MRAP: variants seen among roughly 807,000 people sequenced by gnomAD.
The protein encoded by MRAP is melanocortin 2 receptor accessory protein, also known as melanocortin-2 receptor accessory protein.
A neutral mutation model predicts 8.7 loss-of-function variants in MRAP; 8 were observed. That is an observed-to-expected ratio of 0.92 (90% confidence interval 0.54 to 1.66). MRAP has a LOEUF of 1.66. Among genes scored for constraint, MRAP ranks in the 40% most tolerant of loss-of-function variants. MRAP has a pLI of 0.00. For synonymous variants in MRAP, 95 were observed against 95.5 expected (o/e 1.00, Z 0.03); for missense variants, 237 against 217.1 (o/e 1.09, Z -0.58).
Position 32,298,958 on chromosome 21 carries a change from C to T in MRAP, c.-14C>T, listed in dbSNP as rs1331887798. On this transcript the variant is annotated 5_prime_UTR_variant, in exon 1 of 3. Transcript: ENST00000303645. ...GGCTGCCGGCCCGGACGCTGACTGC[C>T]CAGTGCCACAGACATGGCCAACGGG... 2 of 1,604,436 alleles carry T rather than the reference C, an allele frequency of 1.2e-6. No homozygotes were observed. Among genetic ancestry groups the T allele is most frequent in the Admixed American group, 1.7e-5 (1 of 59,960 alleles).
intron 1 of MRAP, among the ~76,000 whole-genome samples, chr21:32,300,202 C>T (rs2032226985): frequency 6.6e-6 from 1 of 152,200 alleles, no homozygotes. Context: ...GCCTGGGCAA[C>T]ACAGTGAGAT....
In MRAP at chr21:32,311,963, C is replaced by G. The variant is rs146788457; in HGVS notation, c.486C>G (p.Pro162=). The change falls in exon 3 of 3, where the codon CCC becomes CCG. Residue 162 remains proline, a synonymous_variant. Coordinates refer to ENST00000303645, the MANE Select transcript of MRAP (RefSeq NM_001379228.1). ...PLVRSKPSEP[P]PGDRTSQLQS is the part of the protein sequence containing the mutation. Reference sequence around the variant, plus strand: ...TCAGGAGCAAGCCCAGCGAGCCTCCCCCTGGAGACAGGACCTCTCAATTGC... The same window carrying G: ...TCAGGAGCAAGCCCAGCGAGCCTCCGCCTGGAGACAGGACCTCTCAATTGC... 1.3e-4 allele frequency: 212 copies of G among 1,613,366 alleles called. No homozygotes were observed. The highest frequency in any genetic ancestry group is 1.6e-4 in the Middle Eastern group (1 of 6,084).
At chr21:32,314,730 G>A (rs772285250), downstream of MRAP, 18 of 1,499,644 alleles carry the variant, frequency 1.2e-5, no homozygotes, top group South Asian at 9.2e-5. Flanking sequence ...CTACAGGCCC[G>A]AGTTTATCAT....
At chr21:32,303,861 AAGG>A (rs1263391336) in intron 1 of MRAP, among the ~76,000 whole-genome samples, 1 of 152,242 alleles carries the variant, frequency 6.6e-6, no homozygotes, top group Non-Finnish European at 1.5e-5. Context: ...GAACATGATG[AAGG>A]AGATTTTAGT....
chr21:32,306,713 G>A lies in MRAP; in HGVS notation c.180G>A (p.Met60Ile), dbSNP rs973110159. ...TGCTCTTCCTCATCTTGCTCTACAT[G>A]TCCTGGTCCGCCTCCCCGCAGATGA... ...VVLLFLILLYMSWSASPQMRN... is the reference protein window; with the variant it reads ...VVLLFLILLYISWSASPQMRN... Residue 60 changes from methionine (M) to isoleucine (I), a missense_variant, in exon 2 of 3, where the codon ATG becomes ATA. Transcript: ENST00000303645. The A allele has an allele frequency of 8.7e-5, 141 of 1,614,016 alleles. No individual in the cohort carries two copies. The highest frequency in any genetic ancestry group is 1.2e-4 in the Non-Finnish European group (137 of 1,180,036).
rs1343880098 is a variant in MRAP, at chr21:32,300,718, CG to C, written c.106+1645del. On this transcript the variant is annotated intron_variant, in intron 1 of 2. Coordinates refer to ENST00000303645, the MANE Select transcript of MRAP (RefSeq NM_001379228.1). ...GTCAGGGGCGTCATGCGTCCTATGT[CG>C]GGGCGTCATTCGTCCTATGTCAGTG... 1.3e-3 allele frequency among the ~76,000 whole-genome samples: 25 copies of C among 19,766 alleles called. No homozygotes were observed. The East Asian group carries it at 0.02, about 16-fold the overall frequency. 13.0% of individuals were successfully genotyped at this position (19,766 alleles called of 152,430 possible).
intron 1 of MRAP, among the ~76,000 whole-genome samples, chr21:32,292,755 T>C (rs1229849715): frequency 6.6e-6 from 1 of 151,918 alleles, no homozygotes; most frequent in Non-Finnish European, 1.5e-5. Context: ...CTCCCAAATG[T>C]TGGCTCCCAA....
chr21:32,305,933 C>T (rs555636359), intron 1 of MRAP, among the ~76,000 whole-genome samples: 2 of 152,166 alleles, frequency 1.3e-5, no homozygotes, highest in African/African-American at 4.8e-5. Context: ...CCCAGGGGGG[C>T]TAAGTGTGTT....
intron 1 of MRAP, among the ~76,000 whole-genome samples, chr21:32,304,665 CAAA>C (rs1464489382): frequency 0.21 from 2,728 of 13,240 alleles, 81 homozygotes; most frequent in African/African-American, 0.3. Context: ...ACAAACAAAA[CAAA>C]CCAAAAAAAC....
chr21:32,304,806 AC>A (rs2032368523), intron 1 of MRAP, among the ~76,000 whole-genome samples: 1 of 152,016 alleles, frequency 6.6e-6, no homozygotes, highest in Non-Finnish European at 1.5e-5. Flanking sequence ...GACAGGAGAG[AC>A]ATGAGAGCCA....
chr21:32,303,142 A>G (rs1177998923), intron 1 of MRAP, among the ~76,000 whole-genome samples: 2 of 151,728 alleles, frequency 1.3e-5, no homozygotes, highest in Non-Finnish European at 2.9e-5. Flanking sequence ...ACCATATCTG[A>G]CTAATTTTAT....
rs753499488 is a variant in MRAP at position 32,306,622 on chromosome 21, C to T, written c.107-18C>T. On this transcript the variant is annotated intron_variant, in intron 1 of 2. Transcript: ENST00000303645. ...GTTGACATAACCCAGCGCTGAGATG[C>T]ATCTCCTCCTCCCGCAGATTCCATC... is the stretch of plus-strand genomic sequence containing the variant. 3.1e-6 allele frequency: 5 copies of T among 1,608,860 alleles called. No individual in the cohort carries two copies. In the South Asian group the frequency reaches 4.4e-5, roughly 14 times the overall value.
At chr21:32,304,643 CA>C (rs1342163472) in intron 1 of MRAP, among the ~76,000 whole-genome samples, 3 of 73,092 alleles carry the variant, frequency 4.1e-5, no homozygotes, top group South Asian at 4.1e-4. Context: ...AAAAACAAAA[CA>C]AAACAAACAA....
intron 1 of MRAP, among the ~76,000 whole-genome samples, chr21:32,304,003 A>G (rs2032345916): frequency 6.6e-6 from 1 of 152,224 alleles, no homozygotes; most frequent in Non-Finnish European, 1.5e-5. Context: ...GATGACGATA[A>G]GGACTCAGAC....
chr21:32,296,102 G>A (rs1037217845), upstream of MRAP, among the ~76,000 whole-genome samples: 1 of 152,148 alleles, frequency 6.6e-6, no homozygotes, highest in African/African-American at 2.4e-5. Context: ...CCTTGCAATT[G>A]TCAATGGCCA....
Position 32,298,931 on chromosome 21 carries a change from GA to G in MRAP, c.-40del, listed in dbSNP as rs775762315. The G allele has an allele frequency of 6.7e-7, 1 of 1,481,604 alleles. No individual in the cohort carries two copies. The highest frequency in any genetic ancestry group is 9.4e-7 in the Non-Finnish European group (1 of 1,061,774). The allele number at this position is 1,481,604 out of a possible 1,614,324, so 91.8% of individuals were successfully genotyped here. ...AGGGGCTTGGCGCCTGGCTCGAGGC[GA>G]GGCTGCCGGCCCGGACGCTGACTGC... On this transcript the variant is annotated 5_prime_UTR_variant, in exon 1 of 3. Coordinates refer to ENST00000303645, the MANE Select transcript of MRAP (RefSeq NM_001379228.1).
intron 1 of MRAP, among the ~76,000 whole-genome samples, chr21:32,302,387 G>C (rs1032517464): frequency 6.6e-6 from 1 of 152,220 alleles, no homozygotes; most frequent in Non-Finnish European, 1.5e-5. Flanking sequence ...ATGTGTTTTA[G>C]TAAGAATTCT....
At chr21:32,305,518 C>T (rs2032393401) in intron 1 of MRAP, among the ~76,000 whole-genome samples, 1 of 152,200 alleles carries the variant, frequency 6.6e-6, no homozygotes, top group East Asian at 1.9e-4. Flanking sequence ...GGAAGCACTG[C>T]AGAAGTTCAG....
intron 2 of MRAP, among the ~76,000 whole-genome samples, chr21:32,307,432 C>A (rs1432524147): frequency 6.6e-6 from 1 of 152,052 alleles, no homozygotes. Flanking sequence ...CAAAAATTAG[C>A]CGGGCGTGGT....
Sources: allele counts gnomAD v4.1 joint callset (sites outside exome capture counted in the v4.1 genomes callset), GRCh38; gene constraint gnomAD v4.1.1; transcripts MANE v1.5; gene names NCBI Gene and HGNC (gene_info 2026-07-23, HGNC 2026-07-21).